ARB2A: variants seen among roughly 807,000 people sequenced by gnomAD.
The protein encoded by ARB2A is cotranscriptional regulator ARB2A.
the ARB2A span, among the ~76,000 whole-genome samples, chr5:93,913,799 A>G: frequency 6.6e-6 from 1 of 152,044 alleles, no homozygotes; most frequent in South Asian, 2.1e-4. Context: ...AAACTTCTAC[A>G]AATTTTATGC....
chr5:93,844,993 A>C, the ARB2A span, among the ~76,000 whole-genome samples: 1 of 152,248 alleles, frequency 6.6e-6, no homozygotes, highest in Non-Finnish European at 1.5e-5. Context: ...CAGGTAGACC[A>C]TGGAAAGCTT....
chr5:93,704,300 A>G, the ARB2A span, among the ~76,000 whole-genome samples: 1 of 152,198 alleles, frequency 6.6e-6, no homozygotes, highest in Non-Finnish European at 1.5e-5. Flanking sequence ...CAACAAACTT[A>G]TAACTCTTGC....
chr5:93,689,912 C>G, the ARB2A span, among the ~76,000 whole-genome samples: 3 of 152,002 alleles, frequency 2.0e-5, no homozygotes, highest in African/African-American at 7.3e-5. Flanking sequence ...GAGGGTGAGC[C>G]GAAGTCAGGT....
the ARB2A span, among the ~76,000 whole-genome samples, chr5:93,814,719 C>T: frequency 2.0e-5 from 3 of 152,174 alleles, no homozygotes; most frequent in Non-Finnish European, 2.9e-5. Context: ...AATGTTTCCC[C>T]AGTACTTGTA....
the ARB2A span, among the ~76,000 whole-genome samples, chr5:93,827,602 T>C: frequency 6.6e-6 from 1 of 152,094 alleles, no homozygotes; most frequent in African/African-American, 2.4e-5. Context: ...TTAGTTTCAT[T>C]AGATCCCATT....
the ARB2A span, among the ~76,000 whole-genome samples, chr5:93,771,328 G>A: frequency 6.6e-6 from 1 of 151,564 alleles, no homozygotes; most frequent in Admixed American, 6.6e-5. Context: ...AGACTTAAAC[G>A]TTAGACCTAA....
chr5:93,676,644 C>T, the ARB2A span, among the ~76,000 whole-genome samples: 41 of 152,162 alleles, frequency 2.7e-4, no homozygotes, highest in African/African-American at 9.4e-4. Context: ...AAGGAAGGAG[C>T]CTAGATAAAA....
At chr5:93,865,648 CTTTATCATCTATA>C in the ARB2A span, 3 of 985,298 alleles carry the variant, frequency 3.0e-6, no homozygotes, top group Non-Finnish European at 3.6e-6. Context: ...TACTTCCTAG[CTTTATCATCTATA>C]TTTATCATCT....
chr5:93,662,228 T>C, the ARB2A span, among the ~76,000 whole-genome samples: 1 of 152,306 alleles, frequency 6.6e-6, no homozygotes, highest in South Asian at 2.1e-4. Context: ...AGACAAACTA[T>C]AAATTCATTC....
chr5:93,810,144 A>G, the ARB2A span, among the ~76,000 whole-genome samples: 1 of 151,782 alleles, frequency 6.6e-6, no homozygotes, highest in Admixed American at 6.6e-5. Context: ...GAGTTCCTTC[A>G]CCAATTAAAA....
At chr5:93,657,541 G>T in the ARB2A span, among the ~76,000 whole-genome samples, 1 of 152,130 alleles carries the variant, frequency 6.6e-6, no homozygotes, top group African/African-American at 2.4e-5. Flanking sequence ...GAAGAATACA[G>T]GTTATGCCAT....
the ARB2A span, among the ~76,000 whole-genome samples, chr5:93,922,835 T>C: frequency 6.6e-6 from 1 of 152,112 alleles, no homozygotes; most frequent in Non-Finnish European, 1.5e-5. Context: ...TATTCAAGAC[T>C]GGTTTTTGAC....
the ARB2A span, among the ~76,000 whole-genome samples, chr5:93,674,075 T>A: frequency 6.6e-6 from 1 of 152,222 alleles, no homozygotes; most frequent in Non-Finnish European, 1.5e-5. Flanking sequence ...AACATAGTTA[T>A]AATCAGACAA....
At chr5:93,945,575 A>G in the ARB2A span, among the ~76,000 whole-genome samples, 1 of 152,292 alleles carries the variant, frequency 6.6e-6, no homozygotes, top group African/African-American at 2.4e-5. Context: ...GAAAAACTTT[A>G]AAAATTCTAT....
the ARB2A span, among the ~76,000 whole-genome samples, chr5:93,897,893 C>T: frequency 2.6e-5 from 4 of 151,754 alleles, no homozygotes; most frequent in Non-Finnish European, 5.9e-5. Flanking sequence ...TCAGAGGGTA[C>T]CAGAGATGTT....
chr5:93,992,744 A>G, the ARB2A span, among the ~76,000 whole-genome samples: 2 of 152,066 alleles, frequency 1.3e-5, no homozygotes, highest in African/African-American at 4.8e-5. Context: ...GATAAAATAT[A>G]AAATTTTTGA....
chr5:93,843,124 G>T, the ARB2A span, among the ~76,000 whole-genome samples: 1 of 152,146 alleles, frequency 6.6e-6, no homozygotes, highest in Admixed American at 6.5e-5. Context: ...GTGCATGGGG[G>T]AAAGTTCCCA....
the ARB2A span, among the ~76,000 whole-genome samples, chr5:93,988,108 C>CCTCA: frequency 6.6e-6 from 1 of 152,140 alleles, no homozygotes; most frequent in South Asian, 2.1e-4. Context: ...CTCCATATCT[C>CCTCA]CTCATCTCTA....
chr5:93,916,833 A>T, the ARB2A span, among the ~76,000 whole-genome samples: 1 of 152,172 alleles, frequency 6.6e-6, no homozygotes, highest in Admixed American at 6.6e-5. Flanking sequence ...CACTTTTCGA[A>T]ATATTCATGG....
Sources: allele counts gnomAD v4.1 joint callset (sites outside exome capture counted in the v4.1 genomes callset), GRCh38; gene constraint gnomAD v4.1.1; transcripts MANE v1.5; gene names NCBI Gene and HGNC (gene_info 2026-07-23, HGNC 2026-07-21).